The following RAI1 variants were observed in gnomAD, a reference collection of about 807,000 sequenced individuals.
The protein encoded by RAI1 is retinoic acid induced 1.
RAI1 carries 9 observed loss-of-function variants against 123.8 expected under a neutral mutation model. The ratio of observed to expected loss-of-function variants is 0.07; its 90% CI spans 0.04 to 0.13. The LOEUF is 0.13. Ranked by LOEUF, RAI1 falls within the 10% of genes least tolerant of loss-of-function variation. RAI1 has a pLI of 1.00. For missense variants in RAI1, 2,256 were observed against 2,545.8 expected, an observed-to-expected ratio of 0.89 and a Z score of 2.45; for synonymous variants, 1,231 against 1,127.3, an observed-to-expected ratio of 1.09 and a Z score of -1.84.
At position 17,799,116 on chromosome 17, in the gene RAI1, CA is replaced by C. The variant is rs2032373272; in HGVS notation, c.5565+604del. On this transcript the variant is annotated intron_variant, in intron 3 of 5. Transcript: ENST00000353383. This position sits in a 1 kb window ranked among gnomAD's most constrained non-coding sequence, Gnocchi z 4.5. ...ACCCTCTCACCATTGGCTCTGAGAC[CA>C]GCTTTGGAAGCCATAGTCACTGAGC... Among the ~76,000 whole-genome samples, 2 of 152,196 alleles carry C rather than the reference CA, an allele frequency of 1.3e-5. No individual in the cohort carries two copies. Among genetic ancestry groups the C allele is most frequent in the Admixed American group, 1.3e-4 (2 of 15,288 alleles).
rs2032255136 is a variant in RAI1, at chr17:17,796,487, A to G, written c.3539A>G (p.Asn1180Ser). ...CGTGCCACCAAGAAGCTCCTCGACA[A>G]CAGCCACTTGCCCGCCACATTCAAG... is the stretch of plus-strand genomic sequence containing the variant. ...NCRATKKLLD[N>S]SHLPATFKVS... Residue 1180 changes from asparagine (N) to serine (S), a missense_variant, in exon 3 of 6, where the codon AAC becomes AGC. Transcript: ENST00000353383. The surrounding 1 kb of genome is among the most constrained non-coding windows in gnomAD (Gnocchi z 5.8). The G allele has an allele frequency of 1.9e-6, 3 of 1,611,118 alleles. No individual in the cohort carries two copies. Among genetic ancestry groups the G allele is most frequent in the East Asian group, 2.2e-5 (1 of 44,866 alleles).
rs772038122 is a variant in RAI1, at chr17:17,796,683, C to T, written c.3735C>T (p.Ser1245=). ...GGAACCTGGTCTTGCGGAGCCGCAG[C>T]AGCAGCAGCAGCAACGCCAGTGGCA... is the stretch of plus-strand genomic sequence containing the variant. The part of the protein sequence containing the change: ...KKRNLVLRSR[S]SSSSNASGNG... Residue 1245 remains serine, a synonymous_variant, in exon 3 of 6, where the codon AGC becomes AGT. Transcript: ENST00000353383. The surrounding 1 kb of genome is among the most constrained non-coding windows in gnomAD (Gnocchi z 5.8). 2 of 1,612,586 alleles carry T rather than the reference C, an allele frequency of 1.2e-6. No homozygotes were observed. Among genetic ancestry groups the T allele is most frequent in the Non-Finnish European group, 1.7e-6 (2 of 1,179,560 alleles).
chr17:17,754,191 CTTTTTTTTTTT>C (rs1158475382), intron 2 of RAI1, among the ~76,000 whole-genome samples: 137 of 75,726 alleles, frequency 1.8e-3, no homozygotes, highest in African/African-American at 2.6e-3. Flanking sequence ...CTAACCCAAT[CTTTTTTTTTTT>C]TTTTTTTTTT....
chr17:17,800,180 G>GTCTCTGTCTC lies in RAI1; in HGVS notation c.5565+1672_5565+1673insGTCTCTCTCT, dbSNP rs2032405799. On this transcript the variant is annotated intron_variant, in intron 3 of 5. Coordinates refer to ENST00000353383, the MANE Select transcript of RAI1 (RefSeq NM_030665.4). This position sits in a 1 kb window ranked among gnomAD's most constrained non-coding sequence, Gnocchi z 4.7. The stretch of plus-strand genomic sequence containing the variant: ...TCTCTCCTGCTTTCTGTCTCTCTCT[G>GTCTCTGTCTC]TCTCTCTCTCTCTCTCTCTCTCTCT... Among the ~76,000 whole-genome samples the GTCTCTGTCTC allele has an allele frequency of 1.7e-5, 2 of 116,318 alleles. No homozygotes were observed. The highest frequency in any genetic ancestry group is 8.6e-5 in the Admixed American group (1 of 11,652). The allele number at this position is 116,318 out of a possible 152,430, so 76.3% of individuals were successfully genotyped here.
Position 17,797,797 on chromosome 17 carries a change from C to A in RAI1, c.4849C>A (p.Pro1617Thr). ...CACCATATGCACTGTTGTCAACTCC[C>A]CTGGAGATGCGCCCAAGCCCCACAG... ...FTTICTVVNS[P>T]GDAPKPHRKP... The change falls in exon 3 of 6, where the codon CCT (proline) becomes ACT (threonine). Residue 1617 changes from proline to threonine, a missense_variant. Pro to Thr is a conservative substitution (Grantham distance 38). Around this residue, in one of 7 missense-constraint regions of RAI1, gnomAD observed 410 missense variants for 374.6 expected, o/e 1.09. Coordinates refer to ENST00000353383, the MANE Select transcript of RAI1 (RefSeq NM_030665.4). The A allele has an allele frequency of 6.2e-7, 1 of 1,614,068 alleles. No individual in the cohort carries two copies. The highest frequency in any genetic ancestry group is 1.1e-5 in the South Asian group (1 of 91,092).
At chr17:17,804,887 G>A (rs1007127732) in intron 4 of RAI1, among the ~76,000 whole-genome samples, 30 of 147,152 alleles carry the variant, frequency 2.0e-4, no homozygotes, top group African/African-American at 7.4e-4. Context: ...TTTTTGAGAC[G>A]GAGTCTCACT....
chr17:17,769,717 G>A (rs2142994761), intron 2 of RAI1, among the ~76,000 whole-genome samples: 1 of 152,304 alleles, frequency 6.6e-6, no homozygotes, highest in Middle Eastern at 3.4e-3. Flanking sequence ...TCCTCAGAGA[G>A]GCCTTACAGA....
chr17:17,716,289 G>A (rs1915709589), intron 1 of RAI1, among the ~76,000 whole-genome samples: 2 of 152,242 alleles, frequency 1.3e-5, no homozygotes, highest in South Asian at 2.1e-4. Context: ...TGGGGCCAGG[G>A]AACAAAAGAT....
At chr17:17,761,960 G>A (rs2030716141) in intron 2 of RAI1, among the ~76,000 whole-genome samples, 1 of 152,118 alleles carries the variant, frequency 6.6e-6, no homozygotes, top group South Asian at 2.1e-4. Context: ...GCATCCAAGG[G>A]ACTTTTGGTT....
At chr17:17,778,899 GGAGGTGAGGCCT>G (rs763349752) in intron 2 of RAI1, 8 of 456,934 alleles carry the variant, frequency 1.8e-5, no homozygotes, top group Middle Eastern at 3.2e-4. Flanking sequence ...TGCAGCAGCT[GGAGGTGAGGCCT>G]GAGGGGGCTG....
Position 17,681,653 on chromosome 17 carries a change from G to A in RAI1, c.-289G>A. ...CGGCCCTAGCGCCGGCGCGAGGAGG[G>A]GGCGCCGCGGCCCACCCTCCTTCCT... On this transcript the variant is annotated 5_prime_UTR_variant, in exon 1 of 6. Transcript: ENST00000353383. 1 of 243,216 alleles carries A rather than the reference G, an allele frequency of 4.1e-6. No homozygotes were observed. The allele number at this position is 243,216 out of a possible 1,614,324, so 15.1% of individuals were successfully genotyped here. A position where few individuals can be genotyped will look rare whatever the true frequency, so the allele number is the denominator to read the frequency against.
rs528806413 is a variant in RAI1 at position 17,762,194 on chromosome 17, G to T, written c.-16-30739G>T. 1.3e-3 allele frequency among the ~76,000 whole-genome samples: 204 copies of T among 152,232 alleles called. 2 individuals carry two copies. The highest frequency in any genetic ancestry group is 2.4e-3 in the Admixed American group (36 of 15,288). ...TACGAGGGAGGTGATTTTGGAGAGT[G>T]GTAAGAGCTAGGGACTAGGGGAGTT... On this transcript the variant is annotated intron_variant, in intron 2 of 5. Transcript: ENST00000353383.
At position 17,796,518 on chromosome 17, in the gene RAI1, C is replaced by A; in HGVS notation, c.3570C>A (p.Ser1190=). 6.2e-7 allele frequency: 1 copy of A among 1,611,066 alleles called. No individual in the cohort carries two copies. Among genetic ancestry groups the A allele is most frequent in the Non-Finnish European group, 8.5e-7 (1 of 1,179,906 alleles). ...ACTTGCCCGCCACATTCAAGGTCTC[C>A]AGCAGCCCCCAGAAGGAGGGCAGGG... ...NSHLPATFKV[S]SSPQKEGRVS... is the part of the protein sequence containing the mutation. Residue 1190 remains serine (S), a synonymous_variant, in exon 3 of 6, where the codon TCC becomes TCA. Transcript: ENST00000353383. The surrounding 1 kb of genome is among the most constrained non-coding windows in gnomAD (Gnocchi z 5.8).
At chr17:17,784,428 A>G (rs1426048259) in intron 2 of RAI1, among the ~76,000 whole-genome samples, 1 of 152,020 alleles carries the variant, frequency 6.6e-6, no homozygotes, top group African/African-American at 2.4e-5. Context: ...ACAGACAGGC[A>G]CTCTGGGGCA....
At position 17,798,496 on chromosome 17, in the gene RAI1, A is replaced by C; in HGVS notation, c.5548A>C (p.Lys1850Gln). 1 of 1,601,816 alleles carries C rather than the reference A, an allele frequency of 6.2e-7. No homozygotes were observed. Among genetic ancestry groups the C allele is most frequent in the South Asian group, 1.1e-5 (1 of 91,028 alleles). Residue 1850 changes from lysine (K) to glutamine (Q), a missense_variant, in exon 3 of 6, where the codon AAG becomes CAG. Physicochemically the swap from Lys to Gln is moderately conservative, Grantham distance 53. Transcript: ENST00000353383. ...GCTCTTTGGGCTGCAGGAGGCCATGAAGGTGGCCGTGGACATGGTAAGAGG... is the reference window on the plus strand; with the variant it reads ...GCTCTTTGGGCTGCAGGAGGCCATGCAGGTGGCCGTGGACATGGTAAGAGG... Reference protein sequence around the residue: ...GKLFGLQEAMKVAVDMMCSSC... With the variant: ...GKLFGLQEAMQVAVDMMCSSC...
Position 17,797,162 on chromosome 17 carries a change from A to G in RAI1, c.4214A>G (p.Asn1405Ser), listed in dbSNP as rs543238500. ...GATCCGTTATGCAGAAATCCAACCAACAGATCCTTAAAAGGCAAACTCATG... is the reference window on the plus strand; with the variant it reads ...GATCCGTTATGCAGAAATCCAACCAGCAGATCCTTAAAAGGCAAACTCATG... ...GADPLCRNPT[N>S]RSLKGKLMNS... Residue 1405 changes from asparagine (N) to serine (S), a missense_variant, in exon 3 of 6, where the codon AAC (asparagine) becomes AGC (serine). Physicochemically the swap from Asn to Ser is conservative, Grantham distance 46. Around this residue, in one of 7 missense-constraint regions of RAI1, gnomAD observed 410 missense variants for 374.6 expected, o/e 1.09. Transcript: ENST00000353383. 4 of 1,613,908 alleles carry G rather than the reference A, an allele frequency of 2.5e-6. No homozygotes were observed. In the African/African-American group the frequency reaches 4.0e-5, roughly 16 times the overall value.
At chr17:17,753,213 G>A (rs969139651) in intron 2 of RAI1, among the ~76,000 whole-genome samples, 1 of 152,198 alleles carries the variant, frequency 6.6e-6, no homozygotes, top group East Asian at 1.9e-4. Flanking sequence ...CAGGAGGAAG[G>A]CAGGGTCACA....
chr17:17,767,696 C>G (rs1315728185), intron 2 of RAI1, among the ~76,000 whole-genome samples: 1 of 152,214 alleles, frequency 6.6e-6, no homozygotes, highest in Non-Finnish European at 1.5e-5. Context: ...TCATCGCCCT[C>G]CCTAAGCCTC....
chr17:17,772,788 C>T (rs917238628), intron 2 of RAI1, among the ~76,000 whole-genome samples: 7 of 152,150 alleles, frequency 4.6e-5, no homozygotes, highest in Admixed American at 2.6e-4. Flanking sequence ...GCCTTCTCCA[C>T]GAGGCTCTGA....
Sources: allele counts gnomAD v4.1 joint callset (sites outside exome capture counted in the v4.1 genomes callset), GRCh38; gene constraint gnomAD v4.1.1; regional missense constraint gnomAD v4.1.1; non-coding constraint Gnocchi (gnomAD v3.1); transcripts MANE v1.5; gene names NCBI Gene and HGNC (gene_info 2026-07-23, HGNC 2026-07-21).